Variants in SLC22A15 observed in about 807,000 individuals in gnomAD.
SLC22A15 encodes solute carrier family 22 member 15.
SLC22A15 carries 45 observed loss-of-function variants against 62.7 expected under a neutral mutation model. The observed-to-expected ratio is 0.72, with a 90% confidence interval of 0.56 to 0.92. The LOEUF is 0.92. Ranked by LOEUF, SLC22A15 falls within the 40% of genes least tolerant of loss-of-function variation. The probability of loss-of-function intolerance (pLI) is 0.00; values close to 1 mark genes in which losing one functional copy is unlikely to be tolerated. For missense variants in SLC22A15, 622 were observed against 665.6 expected, an observed-to-expected ratio of 0.93 and a Z score of 0.72; for synonymous variants, 264 against 267.0, an observed-to-expected ratio of 0.99 and a Z score of 0.11.
intron 8 of SLC22A15, among the ~76,000 whole-genome samples, chr1:116,052,388 A>G (rs1386207754): frequency 6.6e-6 from 1 of 152,256 alleles, no homozygotes; most frequent in Non-Finnish European, 1.5e-5. Flanking sequence ...TAAACAAAGC[A>G]GCCGGGAAGC....
chr1:116,038,370 G>T (rs892412172), intron 8 of SLC22A15, among the ~76,000 whole-genome samples: 1 of 152,058 alleles, frequency 6.6e-6, no homozygotes, highest in Non-Finnish European at 1.5e-5. Context: ...GTTCATTTCT[G>T]CGTGTCTCAT....
At chr1:116,049,157 C>CT (rs2101526027) in intron 8 of SLC22A15, among the ~76,000 whole-genome samples, 1 of 152,262 alleles carries the variant, frequency 6.6e-6, no homozygotes, top group African/African-American at 2.4e-5. Flanking sequence ...TAATGGGGGA[C>CT]TTTCAGTACT....
At chr1:116,032,324 T>C in intron 6 of SLC22A15, 1 of 985,388 alleles carries the variant, frequency 1.0e-6, no homozygotes, top group Non-Finnish European at 1.2e-6. Flanking sequence ...GGATTGCACA[T>C]GTGTTTTGAT....
intron 1 of SLC22A15, among the ~76,000 whole-genome samples, chr1:115,980,654 A>G (rs1358906871): frequency 6.6e-6 from 1 of 152,134 alleles, no homozygotes; most frequent in Non-Finnish European, 1.5e-5. Context: ...ATATATATAA[A>G]CAGTATAGAA....
chr1:116,026,854 G>A, intron 4 of SLC22A15, 39 bp from the exon 5 acceptor site: 1 of 1,607,868 alleles, frequency 6.2e-7, no homozygotes, highest in Non-Finnish European at 8.5e-7. Flanking sequence ...GCTGCAGATG[G>A]TGCTTTCTCC....
rs758401362 is a variant in SLC22A15 at position 116,035,186 on chromosome 1, G to A, written c.945-1G>A. The A allele has an allele frequency of 6.2e-7, 1 of 1,609,256 alleles. No homozygotes were observed. Among genetic ancestry groups the A allele is most frequent in the South Asian group, 1.1e-5 (1 of 90,066 alleles). On this transcript the variant is annotated splice_acceptor_variant, in intron 6 of 11. Coordinates refer to ENST00000369503, the MANE Select transcript of SLC22A15 (RefSeq NM_018420.3). LOFTEE classifies it high-confidence loss of function. The stretch of plus-strand genomic sequence containing the variant: ...CCTGGTCCTTTGACTCCCAATTGCA[G>A]GTTTGTGTGCAGCTTGGTGTATTAT...
chr1:116,010,637 G>A (rs891865778), intron 2 of SLC22A15, among the ~76,000 whole-genome samples: 10 of 152,124 alleles, frequency 6.6e-5, no homozygotes, highest in Non-Finnish European at 2.9e-5. Context: ...GTACAAAGTT[G>A]TAATTATTTT....
intron 2 of SLC22A15, among the ~76,000 whole-genome samples, chr1:115,992,624 C>CTTTTTT (rs11378927): frequency 2.2e-5 from 3 of 137,510 alleles, no homozygotes; most frequent in Non-Finnish European, 3.1e-5. Context: ...TTTTTCTTTT[C>CTTTTTT]TTTTTTTTTT....
chr1:115,985,280 A>T (rs777041955), intron 1 of SLC22A15, among the ~76,000 whole-genome samples: 8 of 152,228 alleles, frequency 5.3e-5, no homozygotes, highest in Non-Finnish European at 1.0e-4. Flanking sequence ...AATATTCAGT[A>T]TAGTAACATG....
chr1:115,989,123 G>GTT (rs1482247232), intron 1 of SLC22A15, among the ~76,000 whole-genome samples: 2 of 151,672 alleles, frequency 1.3e-5, no homozygotes, highest in East Asian at 3.9e-4. Context: ...GTGTGTGTGT[G>GTT]TGTGTGTTTG....
At chr1:116,043,293 G>C (rs771464922) in intron 8 of SLC22A15, among the ~76,000 whole-genome samples, 4 of 152,142 alleles carry the variant, frequency 2.6e-5, no homozygotes, top group Non-Finnish European at 5.9e-5. Context: ...AGTCATGGTG[G>C]TGTGCACCTG....
At chr1:115,996,888 T>G (rs1655454948) in intron 2 of SLC22A15, among the ~76,000 whole-genome samples, 1 of 152,106 alleles carries the variant, frequency 6.6e-6, no homozygotes, top group Non-Finnish European at 1.5e-5. Context: ...TTTTTGACGA[T>G]TCTTTGGGAT....
intron 2 of SLC22A15, among the ~76,000 whole-genome samples, chr1:116,015,774 G>A (rs10399846): frequency 0.02 from 3,057 of 152,184 alleles, 102 homozygotes; most frequent in African/African-American, 0.07. Flanking sequence ...TTTAAAAAAA[G>A]CAAGTGTTTG....
intron 2 of SLC22A15, among the ~76,000 whole-genome samples, chr1:115,993,986 G>A (rs890939100): frequency 2.6e-5 from 4 of 152,164 alleles, no homozygotes; most frequent in African/African-American, 9.7e-5. Flanking sequence ...CTCACTTTCA[G>A]TGTCACCTTC....
chr1:115,996,168 C>T (rs897412058), intron 2 of SLC22A15, among the ~76,000 whole-genome samples: 10 of 152,078 alleles, frequency 6.6e-5, no homozygotes, highest in African/African-American at 1.9e-4. Flanking sequence ...TTGAGATTGG[C>T]TTTTTTTATT....
At chr1:116,000,814 A>G (rs1269509511) in intron 2 of SLC22A15, among the ~76,000 whole-genome samples, 2 of 151,418 alleles carry the variant, frequency 1.3e-5, no homozygotes, top group East Asian at 3.9e-4. Flanking sequence ...GTATTTTTTT[A>G]GTAGAGACGG....
At chr1:116,010,458 A>G (rs1296258000) in intron 2 of SLC22A15, among the ~76,000 whole-genome samples, 1 of 152,176 alleles carries the variant, frequency 6.6e-6, no homozygotes, top group East Asian at 1.9e-4. Flanking sequence ...ACTGACTGTT[A>G]TAGCCTGCAG....
chr1:116,049,996 G>T (rs909622027), intron 8 of SLC22A15, among the ~76,000 whole-genome samples: 1 of 151,974 alleles, frequency 6.6e-6, no homozygotes, highest in Non-Finnish European at 1.5e-5. Context: ...GAAAACCTAG[G>T]AAGAGATGGA....
intron 8 of SLC22A15, 72 bp downstream of exon 8, chr1:116,037,460 GATGACCAT>G (rs1421643306): frequency 8.9e-7 from 1 of 1,120,912 alleles, no homozygotes; most frequent in Non-Finnish European, 1.4e-6. Context: ...ATAGTGGAGA[GATGACCAT>G]ATGGCATGCT....
Sources: gnomAD v4.1 joint callset for allele counts (sites outside exome capture counted in the v4.1 genomes callset) on GRCh38, gnomAD v4.1.1 for gene constraint, MANE v1.5 for transcripts, NCBI Gene and HGNC (gene_info 2026-07-23, HGNC 2026-07-21) for gene names.